Variants in RNF220 observed in about 807,000 individuals in gnomAD.
RNF220 encodes ring finger protein 220, also known as E3 ubiquitin-protein ligase RNF220.
In RNF220, 7 loss-of-function variants were observed where a neutral mutation model predicts 67.1. The observed-to-expected ratio is 0.10, with a 90% CI of 0.06 to 0.20. RNF220 has a LOEUF of 0.20. RNF220 is among the 10% of genes least tolerant of loss of function. The probability of loss-of-function intolerance (pLI) is 1.00; values close to 1 mark genes in which losing one functional copy is unlikely to be tolerated. For synonymous variants in RNF220, 270 were observed against 283.2 expected (o/e 0.95, Z 0.47); for missense variants, 565 against 740.3 (o/e 0.76, Z 2.75).
rs115273825 is a variant in RNF220, at chr1:44,573,540, G to A, written c.626-40625G>A. ...AGGCCTAAAGGAGGATCAAGAGCAA[G>A]CCTGGAAGGAAATCAGGAGAGTTCA... On this transcript the variant is annotated intron_variant, in intron 2 of 14. Transcript: ENST00000361799. Among the ~76,000 whole-genome samples, 159 of 152,350 alleles carry A rather than the reference G, an allele frequency of 1.0e-3. 1 individual carries two copies. The highest frequency in any genetic ancestry group is 3.7e-3 in the African/African-American group (155 of 41,582).
At chr1:44,462,414 A>T (rs1653868658) in intron 2 of RNF220, among the ~76,000 whole-genome samples, 1 of 152,180 alleles carries the variant, frequency 6.6e-6, no homozygotes, top group Non-Finnish European at 1.5e-5. Context: ...TATAACCAGG[A>T]CACCAATAAT....
intron 2 of RNF220, among the ~76,000 whole-genome samples, chr1:44,424,771 C>T (rs1321171056): frequency 6.6e-6 from 1 of 152,176 alleles, no homozygotes; most frequent in African/African-American, 2.4e-5. Flanking sequence ...GTGCCCAGAC[C>T]TCCCCTTCTT....
rs532390420 is a variant in RNF220 at position 44,516,640 on chromosome 1, G to C, written c.626-97525G>C. Among the ~76,000 whole-genome samples, 402 of 152,218 alleles carry C rather than the reference G, an allele frequency of 2.6e-3. 2 individuals carry two copies. Among genetic ancestry groups the C allele is most frequent in the African/African-American group, 9.3e-3 (388 of 41,522 alleles). On this transcript the variant is annotated intron_variant, in intron 2 of 14. Transcript: ENST00000361799. The stretch of plus-strand genomic sequence containing the variant: ...CAAGAGAAAGGAAGATGGGAGGAAA[G>C]TGAAGGGAAAGAGGAAGAGAAGGGA...
intron 2 of RNF220, 132 bp from the exon 3 acceptor site, chr1:44,614,033 C>A: frequency 8.4e-7 from 1 of 1,187,764 alleles, no homozygotes; most frequent in East Asian, 2.6e-5. Context: ...GGCTCTGAAA[C>A]CCTCAGGCCC....
In RNF220 at chr1:44,649,493, T is replaced by C. The variant is rs1644733610; in HGVS notation, c.1446-168T>C. On this transcript the variant is annotated intron_variant, in intron 12 of 14. Transcript: ENST00000361799. This position sits in a 1 kb window ranked among gnomAD's most constrained non-coding sequence, Gnocchi z 5.9. ...GGAGGAATAGAGAGGGTGAGGAGTTTAGTTCTGGAATGTGGAATTTGCAGA... is the reference window on the plus strand; with the variant it reads ...GGAGGAATAGAGAGGGTGAGGAGTTCAGTTCTGGAATGTGGAATTTGCAGA... 3.1e-6 allele frequency: 2 copies of C among 635,470 alleles called. No individual in the cohort carries two copies. The highest frequency in any genetic ancestry group is 1.9e-5 in the South Asian group (1 of 53,788). The allele number at this position is 635,470 out of a possible 1,614,324, so 39.4% of individuals were successfully genotyped here. A position where few individuals can be genotyped will look rare whatever the true frequency, so the allele number is the denominator to read the frequency against.
intron 5 of RNF220, chr1:44,632,139 G>T: frequency 6.5e-7 from 1 of 1,533,936 alleles, no homozygotes; most frequent in Non-Finnish European, 8.8e-7. Context: ...TCCCGTTAGA[G>T]CAGCGCCCGG....
intron 2 of RNF220, among the ~76,000 whole-genome samples, chr1:44,509,745 G>T (rs1658787870): frequency 6.6e-6 from 1 of 150,894 alleles, no homozygotes; most frequent in Non-Finnish European, 1.5e-5. Context: ...AAATTAGCCG[G>T]GTGTGGTGGC....
At chr1:44,566,408 C>G (rs1005381136) in intron 2 of RNF220, among the ~76,000 whole-genome samples, 2 of 152,168 alleles carry the variant, frequency 1.3e-5, no homozygotes, top group Admixed American at 6.5e-5. Flanking sequence ...TCTGGCTAAG[C>G]CTGCCTGTAT....
At chr1:44,451,441 T>G (rs1265597098) in intron 2 of RNF220, among the ~76,000 whole-genome samples, 1 of 152,172 alleles carries the variant, frequency 6.6e-6, no homozygotes, top group Non-Finnish European at 1.5e-5. Context: ...CCTGTTTATA[T>G]TGTCTTTTTC....
At position 44,405,461 on chromosome 1, in the gene RNF220, C is replaced by CGG. The variant is rs1647247254; in HGVS notation, c.-187_-186insGG. 3.4e-6 allele frequency: 2 copies of CGG among 580,176 alleles called. No homozygotes were observed. The highest frequency in any genetic ancestry group is 6.1e-6 in the Non-Finnish European group (2 of 326,782). 35.9% of individuals were successfully genotyped at this position (580,176 alleles called of 1,614,324 possible). On this transcript the variant is annotated 5_prime_UTR_variant, in exon 1 of 15. An upstream open reading frame in the 5' UTR gains an earlier in-frame stop. Transcript: ENST00000361799. ...TGCGAACCCGGGACTTTTCATGCAC[C>CGG]ACACTCTCCGCCTGCTTCCCTCCGT...
intron 2 of RNF220, among the ~76,000 whole-genome samples, chr1:44,469,040 TA>T (rs1335104793): frequency 6.6e-6 from 1 of 152,120 alleles, no homozygotes; most frequent in African/African-American, 2.4e-5. Context: ...AGAGAGTTTA[TA>T]AATCAGTCTA....
intron 2 of RNF220, among the ~76,000 whole-genome samples, chr1:44,546,930 C>G (rs1162680566): frequency 6.6e-6 from 1 of 152,214 alleles, no homozygotes; most frequent in Non-Finnish European, 1.5e-5. Flanking sequence ...AGTCATACCC[C>G]TCAAGGCAGA....
At position 44,413,821 on chromosome 1, in the gene RNF220, G is replaced by A. The variant is rs868042168; in HGVS notation, c.625+1099G>A. 4.0e-5 allele frequency among the ~76,000 whole-genome samples: 6 copies of A among 151,028 alleles called. No homozygotes were observed. The Middle Eastern group carries it at 0.014, about 345-fold the overall frequency. Reference sequence around the variant, plus strand: ...TTTTTTCCCTCCTCTTTATGATGCCGAGGAGAGTAATAGAGACATTGCAGC... The same window carrying A: ...TTTTTTCCCTCCTCTTTATGATGCCAAGGAGAGTAATAGAGACATTGCAGC... On this transcript the variant is annotated intron_variant, in intron 2 of 14. Coordinates refer to ENST00000361799, the MANE Select transcript of RNF220 (RefSeq NM_018150.4).
intron 2 of RNF220, among the ~76,000 whole-genome samples, chr1:44,439,279 T>A (rs1032848971): frequency 1.3e-5 from 2 of 152,192 alleles, no homozygotes; most frequent in African/African-American, 4.8e-5. Context: ...ATTTAATCTG[T>A]ATTTCTTTAG....
intron 2 of RNF220, among the ~76,000 whole-genome samples, chr1:44,495,551 A>G (rs983339134): frequency 6.6e-6 from 1 of 152,206 alleles, no homozygotes; most frequent in Admixed American, 6.5e-5. Context: ...GACCTAAAAA[A>G]TGAATAAAAG....
chr1:44,503,658 C>G (rs181919981), intron 2 of RNF220, among the ~76,000 whole-genome samples: 1 of 152,304 alleles, frequency 6.6e-6, no homozygotes, highest in East Asian at 1.9e-4. Context: ...ATTCTGTTCC[C>G]CTTTCAAGGC....
At chr1:44,445,898 G>A (rs576847068) in intron 2 of RNF220, among the ~76,000 whole-genome samples, 6 of 152,284 alleles carry the variant, frequency 3.9e-5, no homozygotes, top group Admixed American at 2.6e-4. Context: ...TTGTTCTTGC[G>A]CCTAGCACAG....
intron 2 of RNF220, among the ~76,000 whole-genome samples, chr1:44,568,714 G>A (rs928109039): frequency 1.3e-5 from 2 of 152,244 alleles, no homozygotes; most frequent in Non-Finnish European, 2.9e-5. Context: ...CTGTTCAGGA[G>A]AGGCTGGGAC....
intron 2 of RNF220, among the ~76,000 whole-genome samples, chr1:44,551,453 A>G (rs548865579): frequency 6.6e-6 from 1 of 152,106 alleles, no homozygotes; most frequent in African/African-American, 2.4e-5. Flanking sequence ...ATGAGGATTC[A>G]TATTTTTGAG....
Sources: allele counts gnomAD v4.1 joint callset (sites outside exome capture counted in the v4.1 genomes callset), GRCh38; gene constraint gnomAD v4.1.1; non-coding constraint Gnocchi (gnomAD v3.1); transcripts MANE v1.5; gene names NCBI Gene and HGNC (gene_info 2026-07-23, HGNC 2026-07-21).